WNT10A: variants seen among roughly 807,000 people sequenced by gnomAD.
The protein encoded by WNT10A is protein Wnt-10a.
A neutral mutation model predicts 36.1 loss-of-function variants in WNT10A; 37 were observed. The ratio of observed to expected loss-of-function variants is 1.02; its 90% CI spans 0.79 to 1.35. The LOEUF is 1.35. Ranked by LOEUF, WNT10A falls within the 40% of genes most tolerant of loss-of-function variation. The pLI is 0.00. For missense variants in WNT10A, 613 were observed against 601.4 expected, an observed-to-expected ratio of 1.02 and a Z score of -0.20; for synonymous variants, 255 against 254.1, an observed-to-expected ratio of 1.00 and a Z score of -0.03.
chr2:218,888,827 C>T (rs998492274), intron 2 of WNT10A, among the ~76,000 whole-genome samples: 1 of 152,224 alleles, frequency 6.6e-6, no homozygotes, highest in African/African-American at 2.4e-5. Context: ...CTGCTGCCCA[C>T]TGACATCTCC....
At chr2:218,880,802 C>G (rs942697802), upstream of WNT10A, 2 of 521,148 alleles carry the variant, frequency 3.8e-6, no homozygotes, top group South Asian at 2.9e-5. The surrounding 1 kb of genome is among the most constrained non-coding windows in gnomAD (Gnocchi z 7.7). Flanking sequence ...CCGCCCCCCC[C>G]GAGGGCGGTG....
chr2:218,880,981 C>T lies in WNT10A; in HGVS notation c.-15C>T, dbSNP rs773459101. ...TGTGAGCCCCCCACTCCCAGCCCGT[C>T]AGGGCCTGCGCGCCATGGGCAGCGC... On this transcript the variant is annotated 5_prime_UTR_variant, in exon 1 of 4. Transcript: ENST00000258411. The surrounding 1 kb of genome is among the most constrained non-coding windows in gnomAD (Gnocchi z 7.7). 7 of 1,560,606 alleles carry T rather than the reference C, an allele frequency of 4.5e-6. No individual in the cohort carries two copies. Among genetic ancestry groups the T allele is most frequent in the Non-Finnish European group, 6.1e-6 (7 of 1,152,416 alleles).
upstream of WNT10A, among the ~76,000 whole-genome samples, chr2:218,878,612 T>C (rs1400292741): frequency 6.6e-6 from 1 of 152,052 alleles, no homozygotes; most frequent in Non-Finnish European, 1.5e-5. The surrounding 1 kb of genome is among the most constrained non-coding windows in gnomAD (Gnocchi z 4.1). Context: ...GGCCTTTCCC[T>C]GGAAAGGCTG....
chr2:218,884,221 TG>T (rs1365126380), intron 2 of WNT10A: 2 of 152,496 alleles, frequency 1.3e-5, no homozygotes, highest in Non-Finnish European at 2.9e-5. Context: ...TGGAGGACCT[TG>T]GGGTCTTTGA....
chr2:218,877,896 G>T (rs1296617487), upstream of WNT10A, among the ~76,000 whole-genome samples: 2 of 152,216 alleles, frequency 1.3e-5, no homozygotes, highest in East Asian at 3.8e-4. This position sits in a 1 kb window ranked among gnomAD's most constrained non-coding sequence, Gnocchi z 4.1. Flanking sequence ...AACTTCTCCA[G>T]CTGGGCACCA....
At chr2:218,879,511 G>A (rs1944485658), upstream of WNT10A, among the ~76,000 whole-genome samples, 2 of 152,224 alleles carry the variant, frequency 1.3e-5, no homozygotes, top group East Asian at 1.9e-4. Flanking sequence ...CCTTGCTTGG[G>A]CCCAGCACAC....
chr2:218,891,293 G>C (rs1364083466), intron 3 of WNT10A, among the ~76,000 whole-genome samples: 2 of 152,130 alleles, frequency 1.3e-5, no homozygotes, highest in African/African-American at 4.8e-5. Context: ...TGGCTCTCAT[G>C]GTAGCTCAGC....
Position 218,892,818 on chromosome 2 carries a change from G to A in WNT10A, c.801G>A (p.Thr267=), listed in dbSNP as rs553058408. The part of the protein sequence containing the change: ...NMRRKCKCHG[T]SGSCQLKTCW... ...GGCGGAAGTGCAAGTGCCACGGCAC[G>A]TCAGGCAGCTGCCAGCTCAAGACGT... Residue 267 remains threonine, a synonymous_variant, in exon 4 of 4, where the codon ACG becomes ACA. Transcript: ENST00000258411. The A allele has an allele frequency of 5.6e-6, 9 of 1,596,948 alleles. No individual in the cohort carries two copies. The highest frequency in any genetic ancestry group is 2.0e-4 in the Middle Eastern group (1 of 5,020).
intron 2 of WNT10A, among the ~76,000 whole-genome samples, chr2:218,883,556 G>T (rs1292217351): frequency 1.2e-4 from 1 of 8,218 alleles, no homozygotes; most frequent in African/African-American, 5.5e-4. Flanking sequence ...CCCCGCCCCC[G>T]CGCGCTCCCT....
chr2:218,890,413 A>G, intron 3 of WNT10A, 50 bp downstream of exon 3: 1 of 1,598,004 alleles, frequency 6.3e-7, no homozygotes, highest in East Asian at 2.2e-5. Context: ...CCTAGGGCCT[A>G]CCCCTTGCCC....
In WNT10A at chr2:218,892,910, C is replaced by A. The variant is rs1038294523; in HGVS notation, c.893C>A (p.Thr298Lys). The change falls in exon 4 of 4, where the codon ACG becomes AAG. Residue 298 changes from threonine (T) to lysine (K), a missense_variant. Thr to Lys is a moderately conservative substitution (Grantham distance 78, BLOSUM62 -1). Transcript: ENST00000258411. Reference sequence around the variant, plus strand: ...CTGCGCAGCCGCTTCCACCGCGCCACGCTCATCCGGCCGCACAACCGCAAC... The same window carrying A: ...CTGCGCAGCCGCTTCCACCGCGCCAAGCTCATCCGGCCGCACAACCGCAAC... ...ALLRSRFHRA[T>K]LIRPHNRNGG... 2 of 1,527,334 alleles carry A rather than the reference C, an allele frequency of 1.3e-6. No individual in the cohort carries two copies. The highest frequency in any genetic ancestry group is 1.8e-6 in the Non-Finnish European group (2 of 1,140,354). 94.6% of individuals were successfully genotyped at this position (1,527,334 alleles called of 1,614,324 possible). A position where few individuals can be genotyped will look rare whatever the true frequency, so the allele number is the denominator to read the frequency against.
At position 218,892,987 on chromosome 2, in the gene WNT10A, G is replaced by GT; in HGVS notation, c.970_971insT (p.Ala324ValfsTer104). 1 of 1,485,556 alleles carries GT rather than the reference G, an allele frequency of 6.7e-7. No homozygotes were observed. Among genetic ancestry groups the GT allele is most frequent in the African/African-American group, 1.5e-5 (1 of 68,854 alleles). The allele number at this position is 1,485,556 out of a possible 1,614,324, so 92.0% of individuals were successfully genotyped here. A position where few individuals can be genotyped will look rare whatever the true frequency, so the allele number is the denominator to read the frequency against. On this transcript the variant is annotated frameshift_variant, in exon 4 of 4. Transcript: ENST00000258411. LOFTEE classifies it high-confidence loss of function. ...GGGGGCACCCTCGCCGGCTCCGGGC[G>GT]CTCCCGGGCCGCGCCGACGGGCCAG...
the WNT10A span, chr2:218,874,309 T>C: frequency 1.0e-3 from 166 of 158,250 alleles, no homozygotes; most frequent in Non-Finnish European, 5.4e-4. Flanking sequence ...TTGCTAGAAC[T>C]AGCACCTCAG....
In WNT10A at chr2:218,881,104, C is replaced by G. The variant is rs776565022; in HGVS notation, c.109C>G (p.Pro37Ala). 1 of 1,592,728 alleles carries G rather than the reference C, an allele frequency of 6.3e-7. No homozygotes were observed. Among genetic ancestry groups the G allele is most frequent in the Non-Finnish European group, 8.6e-7 (1 of 1,169,356 alleles). ...FFLLLLAAAMPRSAPNDILDL... is the reference protein window; with the variant it reads ...FFLLLLAAAMARSAPNDILDL... ...CCTACTGCTGCTGGCTGCTGCCATG[C>G]CCAGGTGAGCCCTCACCTCATGCTC... Residue 37 changes from proline (P) to alanine (A), a missense_variant, in exon 1 of 4, where the codon CCC becomes GCC. Pro to Ala is a conservative substitution (Grantham distance 27, BLOSUM62 -1). Transcript: ENST00000258411.
Position 218,890,184 on chromosome 2 carries a change from C to G in WNT10A, c.577C>G (p.Pro193Ala). 1.9e-6 allele frequency: 3 copies of G among 1,614,104 alleles called. No individual in the cohort carries two copies. Among genetic ancestry groups the G allele is most frequent in the South Asian group, 1.1e-5 (1 of 91,084 alleles). ...TGGTAAGGGCCTGAGCCATGGGGTCCCGGAACACCCAGCCCTGCCCACAGC... is the reference window on the plus strand; with the variant it reads ...TGGTAAGGGCCTGAGCCATGGGGTCGCGGAACACCCAGCCCTGCCCACAGC... Reference protein sequence around the residue: ...QRGKGLSHGVPEHPALPTASP... With the variant: ...QRGKGLSHGVAEHPALPTASP... Residue 193 changes from proline (P) to alanine (A), a missense_variant, in exon 3 of 4, where the codon CCG (proline) becomes GCG (alanine). Pro to Ala is a conservative substitution (Grantham distance 27). Transcript: ENST00000258411.
upstream of WNT10A, among the ~76,000 whole-genome samples, chr2:218,876,382 G>C (rs930983554): frequency 4.6e-5 from 7 of 152,160 alleles, no homozygotes; most frequent in Admixed American, 1.3e-4. Flanking sequence ...CCTCACCGTG[G>C]CTTCCAGGAC....
At chr2:218,882,506 T>A (rs1944531046) in intron 2 of WNT10A, 83 bp downstream of exon 2, 2 of 1,554,862 alleles carry the variant, frequency 1.3e-6, no homozygotes, top group Non-Finnish European at 1.8e-6. Context: ...TCTAACCCAC[T>A]GCCTCAAGCT....
At chr2:218,890,797 C>T (rs1462449846) in intron 3 of WNT10A, among the ~76,000 whole-genome samples, 2 of 152,142 alleles carry the variant, frequency 1.3e-5, no homozygotes, top group African/African-American at 4.8e-5. Context: ...CTCTCCCAGC[C>T]TTTCTGTGCA....
chr2:218,893,276 C>A lies in WNT10A; in HGVS notation c.*5C>A. ...TGGGTCAGCGTCTGCAAGTGAGCGG[C>A]CCGGGGTCCCCTGGGCCCTGATCGA... On this transcript the variant is annotated 3_prime_UTR_variant, in exon 4 of 4. Transcript: ENST00000258411. The surrounding 1 kb of genome is among the most constrained non-coding windows in gnomAD (Gnocchi z 6.3). 6.5e-7 allele frequency: 1 copy of A among 1,544,330 alleles called. No homozygotes were observed.
Sources: allele counts gnomAD v4.1 joint callset (sites outside exome capture counted in the v4.1 genomes callset), GRCh38; gene constraint gnomAD v4.1.1; non-coding constraint Gnocchi (gnomAD v3.1); transcripts MANE v1.5; gene names NCBI Gene and HGNC (gene_info 2026-07-23, HGNC 2026-07-21).